Variants in TTLL12 observed in about 807,000 individuals in gnomAD.
TTLL12 encodes the protein tubulin--tyrosine ligase-like protein 12.
TTLL12 carries 77 observed loss-of-function variants against 79.6 expected under a neutral mutation model. That is an observed-to-expected ratio of 0.97 (90% CI 0.81 to 1.17). The LOEUF is 1.17. Among genes scored for constraint, TTLL12 ranks in the 50% most tolerant of loss-of-function variants. TTLL12 has a pLI of 0.00. For synonymous variants in TTLL12, 437 were observed against 376.1 expected, an observed-to-expected ratio of 1.16 and a Z score of -1.87; for missense variants, 969 against 895.9, an observed-to-expected ratio of 1.08 and a Z score of -1.04.
In TTLL12 at chr22:43,172,435, C is replaced by A. The variant is rs1472551424; in HGVS notation, c.1461G>T (p.Val487=). Residue 487 remains valine, a synonymous_variant, in exon 10 of 14, where the codon GTG becomes GTT. Coordinates refer to ENST00000216129, the MANE Select transcript of TTLL12 (RefSeq NM_015140.4). The part of the protein sequence containing the change: ...LRSVRPLRLF[V]YDVFWLRFSN... ...AGAACCGCAGCCAGAACACATCATA[C>A]ACGAACAACCGTAGGGGCCTCACTG... 1 of 1,614,058 alleles carries A rather than the reference C, an allele frequency of 6.2e-7. No individual in the cohort carries two copies. Among genetic ancestry groups the A allele is most frequent in the Non-Finnish European group, 8.5e-7 (1 of 1,180,036 alleles).
chr22:43,172,022 T>C, intron 10 of TTLL12, 122 bp from the exon 11 acceptor site: 1 of 805,768 alleles, frequency 1.2e-6, no homozygotes, highest in Non-Finnish European at 2.1e-6. Flanking sequence ...CACCTGCTGC[T>C]CAGGCGGGAG....
rs1276825333 is a variant in TTLL12, at chr22:43,168,130, C to T, written c.1813G>A (p.Glu605Lys). Residue 605 changes from glutamate to lysine, a missense_variant, in exon 14 of 14, where the codon GAG becomes AAG. By Grantham distance (56) the Glu-to-Lys change is moderately conservative. Coordinates refer to ENST00000216129, the MANE Select transcript of TTLL12 (RefSeq NM_015140.4). ...GRRVMQPQIL[E>K]VNFNPDCERA... Reference sequence around the variant, plus strand: ...TCACAGTCGGGGTTGAAGTTCACCTCCAGGATCTGCGGCTGCATCACCCGC... The same window carrying T: ...TCACAGTCGGGGTTGAAGTTCACCTTCAGGATCTGCGGCTGCATCACCCGC... The T allele has an allele frequency of 6.8e-6, 11 of 1,614,040 alleles. No individual in the cohort carries two copies. Among genetic ancestry groups the T allele is most frequent in the Non-Finnish European group, 9.3e-6 (11 of 1,180,010 alleles).
chr22:43,177,143 G>A (rs977985876), intron 5 of TTLL12, among the ~76,000 whole-genome samples: 13 of 152,032 alleles, frequency 8.6e-5, no homozygotes, highest in African/African-American at 1.5e-4. Context: ...CTGAGGTGGA[G>A]GAGTACCTGA....
At chr22:43,169,812 G>A in intron 11 of TTLL12, 1 of 594,620 alleles carries the variant, frequency 1.7e-6, no homozygotes, top group Non-Finnish European at 3.2e-6. Flanking sequence ...TCTGTGAAAT[G>A]GGAAAATGTG....
intron 9 of TTLL12, 28 bp from the exon 10 acceptor site, chr22:43,172,582 G>C: frequency 6.2e-7 from 1 of 1,613,676 alleles, no homozygotes; most frequent in Non-Finnish European, 8.5e-7. Flanking sequence ...AAGCTCGCTG[G>C]TGGCCAGGAC....
chr22:43,169,021 TC>T, intron 12 of TTLL12, 109 bp from the exon 13 acceptor site: 1 of 1,389,258 alleles, frequency 7.2e-7, no homozygotes, highest in Non-Finnish European at 9.6e-7. Flanking sequence ...AGTCACCCCC[TC>T]CCACATCTTC....
At chr22:43,186,068 T>C (rs1932175469) in intron 1 of TTLL12, 1 of 964,820 alleles carries the variant, frequency 1.0e-6, no homozygotes, top group Admixed American at 6.2e-5. Flanking sequence ...GGACTCCTAG[T>C]TCCCGGCCCG....
chr22:43,169,059 C>T (rs2147065483), intron 12 of TTLL12, 147 bp from the exon 13 acceptor site: 2 of 1,069,282 alleles, frequency 1.9e-6, no homozygotes, highest in African/African-American at 3.2e-5. Flanking sequence ...CCATGGCCAC[C>T]TCCGCCCAGC....
At chr22:43,170,466 G>T (rs911161453) in intron 11 of TTLL12, among the ~76,000 whole-genome samples, 1 of 152,170 alleles carries the variant, frequency 6.6e-6, no homozygotes, top group Non-Finnish European at 1.5e-5. Context: ...GCATGTTCAC[G>T]CGCCATGATT....
At chr22:43,169,017 C>T in intron 12 of TTLL12, 105 bp from the exon 13 acceptor site, 1 of 1,412,232 alleles carries the variant, frequency 7.1e-7, no homozygotes, top group Non-Finnish European at 9.4e-7. Context: ...CCCAAGTCAC[C>T]CCCTCCCACA....
At chr22:43,171,933 C>A (rs781358244) in intron 10 of TTLL12, 33 bp from the exon 11 acceptor site, 35 of 1,592,756 alleles carry the variant, frequency 2.2e-5, no homozygotes, top group Non-Finnish European at 2.7e-5. Context: ...CATATGGGTT[C>A]TTGAGCGGCC....
intron 2 of TTLL12, among the ~76,000 whole-genome samples, chr22:43,181,306 G>A (rs1036969703): frequency 2.6e-5 from 4 of 152,256 alleles, no homozygotes; most frequent in African/African-American, 9.6e-5. Context: ...CTAGCGTGAA[G>A]TCCTCAACTG....
chr22:43,178,799 C>A (rs1248322665), intron 5 of TTLL12, among the ~76,000 whole-genome samples: 2 of 152,228 alleles, frequency 1.3e-5, no homozygotes, highest in African/African-American at 2.4e-5. Context: ...AATGACTTAA[C>A]CTCTCTGTGT....
chr22:43,172,730 T>C (rs1162523407), intron 9 of TTLL12, among the ~76,000 whole-genome samples, 176 bp from the exon 10 acceptor site: 1 of 151,684 alleles, frequency 6.6e-6, no homozygotes, highest in Non-Finnish European at 1.5e-5. Context: ...CAGAGTTTTG[T>C]TCTGTTGCCC....
chr22:43,174,762 G>A (rs1569484802), intron 6 of TTLL12, 147 bp from the exon 7 acceptor site: 5 of 622,898 alleles, frequency 8.0e-6, no homozygotes, highest in Non-Finnish European at 1.4e-5. Context: ...ATGCTGGACA[G>A]CCCGGGTTCA....
intron 1 of TTLL12, among the ~76,000 whole-genome samples, chr22:43,185,605 G>A (rs916532816): frequency 2.0e-5 from 3 of 152,318 alleles, no homozygotes; most frequent in African/African-American, 7.2e-5. Context: ...GTGGCACGGT[G>A]GCGACCACCC....
intron 1 of TTLL12, among the ~76,000 whole-genome samples, chr22:43,186,198 C>T (rs374439435): frequency 3.4e-5 from 5 of 148,576 alleles, no homozygotes; most frequent in Admixed American, 2.0e-4. Context: ...CACCCCCCCC[C>T]CCGCCAGCCC....
chr22:43,173,372 G>GCAAT (rs1218000404), intron 9 of TTLL12, among the ~76,000 whole-genome samples: 1 of 151,986 alleles, frequency 6.6e-6, no homozygotes. Context: ...GTGCAGTGAC[G>GCAAT]CGATCACAGC....
intron 1 of TTLL12, chr22:43,185,838 C>T (rs1412899071): frequency 1.9e-6 from 1 of 528,856 alleles, no homozygotes; most frequent in African/African-American, 2.1e-5. Context: ...TCCTCATGAA[C>T]AAACCAAGGT....
Sources: allele counts gnomAD v4.1 joint callset (sites outside exome capture counted in the v4.1 genomes callset), GRCh38; gene constraint gnomAD v4.1.1; transcripts MANE v1.5; gene names NCBI Gene and HGNC (gene_info 2026-07-23, HGNC 2026-07-21).